Variants in KIRREL3 observed in about 807,000 individuals in gnomAD.
KIRREL3 encodes kirre like nephrin family adhesion molecule 3, also known as kin of IRRE-like protein 3.
Under a neutral mutation model 89.7 loss-of-function variants are expected in KIRREL3, and 36 were observed. The observed-to-expected ratio is 0.40, with a 90% CI of 0.31 to 0.53. KIRREL3 has a LOEUF of 0.53. Among genes scored for constraint, KIRREL3 ranks in the 20% least tolerant of loss-of-function variants. The pLI, the probability that KIRREL3 is intolerant of heterozygous loss-of-function variation, is 0.49. For synonymous variants in KIRREL3, 445 were observed against 441.4 expected, an observed-to-expected ratio of 1.01 and a Z score of -0.10; for missense variants, 864 against 1,056.6, an observed-to-expected ratio of 0.82 and a Z score of 2.53.
chr11:126,942,924 G>T (rs1784327), intron 1 of KIRREL3, among the ~76,000 whole-genome samples: 1 of 152,238 alleles, frequency 6.6e-6, no homozygotes, highest in Middle Eastern at 3.4e-3. Context: ...TCTGTTGCAA[G>T]GCTCGGCTCG....
chr11:126,556,584 G>A (rs1388847570), intron 2 of KIRREL3, among the ~76,000 whole-genome samples: 1 of 152,186 alleles, frequency 6.6e-6, no homozygotes, highest in Non-Finnish European at 1.5e-5. Context: ...GCTATAGTGA[G>A]CCACGATGGT....
intron 1 of KIRREL3, among the ~76,000 whole-genome samples, chr11:126,660,558 C>T (rs1055733617): frequency 6.6e-6 from 1 of 152,150 alleles, no homozygotes; most frequent in African/African-American, 2.4e-5. Context: ...GAAGGGAACC[C>T]ATTGCCTGTA....
chr11:126,432,334 G>A lies in KIRREL3; in HGVS notation c.1589-808C>T, dbSNP rs1213899389. ...CCGAGTGGGGGTAGGGACAGGGAGG[G>A]TAAGGATAGAGTCGGGGGTGATCTT... On this transcript the variant is annotated intron_variant, in intron 13 of 16. Coordinates refer to ENST00000525144, the MANE Select transcript of KIRREL3 (RefSeq NM_032531.4). The surrounding 1 kb of genome is among the most constrained non-coding windows in gnomAD (Gnocchi z 6.2). 6.6e-6 allele frequency among the ~76,000 whole-genome samples: 1 copy of A among 152,168 alleles called. No homozygotes were observed. Among genetic ancestry groups the A allele is most frequent in the Non-Finnish European group, 1.5e-5 (1 of 68,022 alleles).
intron 5 of KIRREL3, among the ~76,000 whole-genome samples, chr11:126,472,703 G>GGGGAGA (rs139127017): frequency 1.8e-4 from 24 of 134,228 alleles, no homozygotes; most frequent in Middle Eastern, 7.6e-3. Flanking sequence ...AGGACATAGA[G>GGGGAGA]GAGAGAGAGA....
Position 126,666,279 on chromosome 11 carries a change from T to C in KIRREL3, c.56-103367A>G, listed in dbSNP as rs942411337. On this transcript the variant is annotated intron_variant, in intron 1 of 16. Transcript: ENST00000525144. This position sits in a 1 kb window ranked among gnomAD's most constrained non-coding sequence, Gnocchi z 4.2. ...TCCCTGTATCTATAATGGACAGCCTTGGGTTTTACCTCCTGTCCAGGCACC... is the reference window on the plus strand; with the variant it reads ...TCCCTGTATCTATAATGGACAGCCTCGGGTTTTACCTCCTGTCCAGGCACC... Among the ~76,000 whole-genome samples, 2 of 152,202 alleles carry C rather than the reference T, an allele frequency of 1.3e-5. No individual in the cohort carries two copies. The highest frequency in any genetic ancestry group is 2.4e-5 in the African/African-American group (1 of 41,462).
At chr11:126,707,088 G>C (rs867206515) in intron 1 of KIRREL3, among the ~76,000 whole-genome samples, 1 of 151,824 alleles carries the variant, frequency 6.6e-6, no homozygotes, top group East Asian at 1.9e-4. Context: ...CAAGCAGCTG[G>C]GACTACAGGT....
intron 2 of KIRREL3, chr11:126,549,950 C>T (rs1039268559): frequency 1.3e-5 from 2 of 152,224 alleles, no homozygotes. Flanking sequence ...GGGCTTATTT[C>T]TCCAGAAGCC....
At position 126,994,068 on chromosome 11, in the gene KIRREL3, G is replaced by A. The variant is rs911686064; in HGVS notation, c.55+6387C>T. Among the ~76,000 whole-genome samples the A allele has an allele frequency of 1.3e-5, 2 of 151,964 alleles. No homozygotes were observed. The highest frequency in any genetic ancestry group is 4.8e-5 in the African/African-American group (2 of 41,348). ...TTCAATTATCAAAAAAAAAAAATCAGCCTCAGATAAATCTACTTTGCTTTG... is the reference window on the plus strand; with the variant it reads ...TTCAATTATCAAAAAAAAAAAATCAACCTCAGATAAATCTACTTTGCTTTG... On this transcript the variant is annotated intron_variant, in intron 1 of 16. Coordinates refer to ENST00000525144, the MANE Select transcript of KIRREL3 (RefSeq NM_032531.4). The surrounding 1 kb of genome is among the most constrained non-coding windows in gnomAD (Gnocchi z 5.2).
At chr11:126,667,388 A>G (rs1254099630) in intron 1 of KIRREL3, among the ~76,000 whole-genome samples, 1 of 152,342 alleles carries the variant, frequency 6.6e-6, no homozygotes, top group East Asian at 1.9e-4. Context: ...ATTTAGAATG[A>G]GCCGGGCTGT....
At chr11:126,853,163 C>T (rs1944396795) in intron 1 of KIRREL3, among the ~76,000 whole-genome samples, 1 of 152,138 alleles carries the variant, frequency 6.6e-6, no homozygotes, top group African/African-American at 2.4e-5. Context: ...ACCAAAAAGG[C>T]TGTTTAAATC....
chr11:126,650,133 G>C (rs1944854003), intron 1 of KIRREL3, among the ~76,000 whole-genome samples: 1 of 152,214 alleles, frequency 6.6e-6, no homozygotes, highest in Admixed American at 6.5e-5. Flanking sequence ...CAAGTCCCTA[G>C]GCTGCACACA....
chr11:126,800,946 T>C (rs917963728), intron 1 of KIRREL3, among the ~76,000 whole-genome samples: 1 of 152,134 alleles, frequency 6.6e-6, no homozygotes, highest in African/African-American at 2.4e-5. Flanking sequence ...CTGTTGGAGG[T>C]TGGTGAGGGA....
chr11:126,530,275 G>A lies in KIRREL3; in HGVS notation c.134-3588C>T, dbSNP rs987627787. Among the ~76,000 whole-genome samples, 5 of 152,084 alleles carry A rather than the reference G, an allele frequency of 3.3e-5. No homozygotes were observed. Among genetic ancestry groups the A allele is most frequent in the Admixed American group, 1.3e-4 (2 of 15,266 alleles). On this transcript the variant is annotated intron_variant, in intron 2 of 16. Transcript: ENST00000525144. This position sits in a 1 kb window ranked among gnomAD's most constrained non-coding sequence, Gnocchi z 5.8. The stretch of plus-strand genomic sequence containing the variant: ...GATTTTCATATTTTTAATAGAGACA[G>A]GGTTTCACCATGTTGGCCAGGCTGG...
In KIRREL3 at chr11:126,628,805, C is replaced by A. The variant is rs533560798; in HGVS notation, c.56-65893G>T. On this transcript the variant is annotated intron_variant, in intron 1 of 16. Transcript: ENST00000525144. This position sits in a 1 kb window ranked among gnomAD's most constrained non-coding sequence, Gnocchi z 5.2. ...GAGCCAGGGCCTCGCCTCTACTGCC[C>A]CCTCCGCTCGCTCTGCCTGTGCAGG... is the stretch of plus-strand genomic sequence containing the variant. Among the ~76,000 whole-genome samples the A allele has an allele frequency of 6.6e-6, 1 of 152,196 alleles. No homozygotes were observed. The highest frequency in any genetic ancestry group is 1.5e-5 in the Non-Finnish European group (1 of 68,026).
At chr11:126,799,918 A>C (rs562478969) in intron 1 of KIRREL3, among the ~76,000 whole-genome samples, 1 of 152,286 alleles carries the variant, frequency 6.6e-6, no homozygotes, top group Non-Finnish European at 1.5e-5. Context: ...GGACTCAGGG[A>C]AGGCATCAGT....
At chr11:126,800,568 A>G (rs1181688523) in intron 1 of KIRREL3, among the ~76,000 whole-genome samples, 1 of 152,184 alleles carries the variant, frequency 6.6e-6, no homozygotes. Context: ...TACCATAAAA[A>G]AGTGCTAGGA....
At chr11:126,472,729 A>AGAGAGAGAGAGAGAGAGAGC (rs1297311492) in intron 5 of KIRREL3, among the ~76,000 whole-genome samples, 42 of 151,794 alleles carry the variant, frequency 2.8e-4, no homozygotes, top group African/African-American at 7.0e-4. Flanking sequence ...AGAGAGAGAG[A>AGAGAGAGAGAGAGAGAGAGC]GAGCACAAGT....
At position 126,977,389 on chromosome 11, in the gene KIRREL3, C is replaced by A. The variant is rs943808804; in HGVS notation, c.55+23066G>T. Among the ~76,000 whole-genome samples, 10 of 152,230 alleles carry A rather than the reference C, an allele frequency of 6.6e-5. No individual in the cohort carries two copies. The highest frequency in any genetic ancestry group is 2.2e-4 in the African/African-American group (9 of 41,532). Reference sequence around the variant, plus strand: ...TTGAGCCACCTTTCTTTTTCATCACCCAGCTTTTCATATTGTTTATTTTCT... The same window carrying A: ...TTGAGCCACCTTTCTTTTTCATCACACAGCTTTTCATATTGTTTATTTTCT... On this transcript the variant is annotated intron_variant, in intron 1 of 16. Transcript: ENST00000525144. The surrounding 1 kb of genome is among the most constrained non-coding windows in gnomAD (Gnocchi z 4.7).
intron 1 of KIRREL3, among the ~76,000 whole-genome samples, chr11:126,707,192 C>T (rs142572995): frequency 1.2e-4 from 18 of 151,110 alleles, no homozygotes; most frequent in African/African-American, 3.6e-4. Flanking sequence ...GTGATCCTCC[C>T]GCCTCAGCCT....
Sources: allele counts gnomAD v4.1 joint callset (sites outside exome capture counted in the v4.1 genomes callset), GRCh38; gene constraint gnomAD v4.1.1; non-coding constraint Gnocchi (gnomAD v3.1); transcripts MANE v1.5; gene names NCBI Gene and HGNC (gene_info 2026-07-23, HGNC 2026-07-21).